DSC3: variants seen among roughly 807,000 people sequenced by gnomAD.
DSC3 encodes the protein desmocollin-3.
DSC3 carries 97 observed loss-of-function variants against 89.5 expected under a neutral mutation model. The observed-to-expected ratio is 1.08, with a 90% CI of 0.92 to 1.28. The LOEUF (loss-of-function observed/expected upper bound fraction) is 1.28. Ranked by LOEUF, DSC3 falls within the 50% of genes most tolerant of loss-of-function variation. The pLI, the probability that DSC3 is intolerant of heterozygous loss-of-function variation, is 0.00. For synonymous variants in DSC3, 436 were observed against 384.1 expected, an observed-to-expected ratio of 1.14 and a Z score of -1.58; for missense variants, 1,199 against 1,085.3, an observed-to-expected ratio of 1.10 and a Z score of -1.47.
intron 1 of DSC3, among the ~76,000 whole-genome samples, chr18:31,038,961 T>A (rs1429007023): frequency 6.6e-6 from 1 of 152,060 alleles, no homozygotes; most frequent in African/African-American, 2.4e-5. Flanking sequence ...CATTTGATAT[T>A]ATGTTTTTGT....
At chr18:31,001,089 G>GTATATA (rs67608580) in intron 14 of DSC3, among the ~76,000 whole-genome samples, 1 of 126,032 alleles carries the variant, frequency 7.9e-6, no homozygotes, top group African/African-American at 2.9e-5. Flanking sequence ...TTGTGTGTGT[G>GTATATA]TATATATATA....
chr18:31,015,053 T>C (rs935229849), intron 9 of DSC3, among the ~76,000 whole-genome samples: 2 of 152,224 alleles, frequency 1.3e-5, no homozygotes, highest in African/African-American at 4.8e-5. Context: ...AAAAGGAACT[T>C]GATTCATGGT....
chr18:31,027,046 T>C (rs1985620500), intron 4 of DSC3, among the ~76,000 whole-genome samples: 1 of 152,124 alleles, frequency 6.6e-6, no homozygotes, highest in Non-Finnish European at 1.5e-5. Context: ...CCACTAGTAA[T>C]TGGGATCTCA....
rs1044493605 is a variant in DSC3, at chr18:31,042,496, C to A, written c.69+96G>T. The A allele has an allele frequency of 2.7e-5, 35 of 1,297,104 alleles. 1 individual carries two copies. In the East Asian group the frequency reaches 4.5e-4, roughly 17 times the overall value. The allele number at this position is 1,297,104 out of a possible 1,614,324, so 80.3% of individuals were successfully genotyped here. A position where few individuals can be genotyped will look rare whatever the true frequency, so the allele number is the denominator to read the frequency against. On this transcript the variant is annotated intron_variant, in intron 1 of 15. Transcript: ENST00000360428. ...CAGCATTGATCTGAGCCGCGGTTGT[C>A]ACGTTTCGGCCCGCTTTGTCCCCAG... is the stretch of plus-strand genomic sequence containing the variant.
intron 9 of DSC3, among the ~76,000 whole-genome samples, chr18:31,010,105 A>G (rs932298896): frequency 1.3e-5 from 2 of 152,252 alleles, no homozygotes; most frequent in Non-Finnish European, 1.5e-5. Flanking sequence ...AAATTATTTT[A>G]AATCTTTCTC....
chr18:31,041,223 A>G (rs896208908), intron 1 of DSC3, among the ~76,000 whole-genome samples: 8 of 152,188 alleles, frequency 5.3e-5, no homozygotes, highest in African/African-American at 1.7e-4. Flanking sequence ...CCCTTCGCAA[A>G]GGAAACACAA....
rs200091280 is a variant in DSC3 at position 31,022,400 on chromosome 18, C to T, written c.878G>A (p.Gly293Glu). 2 of 1,613,874 alleles carry T rather than the reference C, an allele frequency of 1.2e-6. No individual in the cohort carries two copies. Among genetic ancestry groups the T allele is most frequent in the South Asian group, 1.1e-5 (1 of 91,084 alleles). The change falls in exon 7 of 16, where the codon GGG becomes GAG. Residue 293 changes from glycine to glutamate, a missense_variant. By Grantham distance (98) the Gly-to-Glu change is moderately conservative (BLOSUM62 -2). Coordinates refer to ENST00000360428, the MANE Select transcript of DSC3 (RefSeq NM_001941.5). ...SILQQTPRSP[G>E]LFSVHPSTGV... ...TGTGCTGGGATGCACAGAAAAGAGC[C>T]CAGGTGACCTTGGTGTCTGCTGCAA...
At chr18:30,999,349 T>A (rs1984577971) in intron 14 of DSC3, among the ~76,000 whole-genome samples, 1 of 151,426 alleles carries the variant, frequency 6.6e-6, no homozygotes, top group Non-Finnish European at 1.5e-5. Context: ...TAGAAAAAAA[T>A]ACCAGAAAAA....
In DSC3 at chr18:30,994,540, A is replaced by G. The variant is rs774303572; in HGVS notation, c.2494-168T>C. ...AATGATTGGTCTATATCACAACCAT[A>G]CCATAAAGTCAGTATAGTTTACATT... is the stretch of plus-strand genomic sequence containing the variant. On this transcript the variant is annotated intron_variant, in intron 15 of 15. Transcript: ENST00000360428. 5 of 1,475,360 alleles carry G rather than the reference A, an allele frequency of 3.4e-6. No individual in the cohort carries two copies. The African/African-American group carries it at 7.1e-5, about 21-fold the overall frequency. 91.4% of individuals were successfully genotyped at this position (1,475,360 alleles called of 1,614,324 possible). A position where few individuals can be genotyped will look rare whatever the true frequency, so the allele number is the denominator to read the frequency against.
chr18:31,000,704 TTC>T (rs1984622821), intron 14 of DSC3, among the ~76,000 whole-genome samples: 1 of 152,146 alleles, frequency 6.6e-6, no homozygotes. Context: ...TGTTTTCCTC[TTC>T]TTTAGCTATT....
Position 30,994,255 on chromosome 18 carries a change from G to A in DSC3, c.2611C>T (p.Gln871Ter), listed in dbSNP as rs1335617819. The A allele has an allele frequency of 6.2e-7, 1 of 1,613,918 alleles. No individual in the cohort carries two copies. The highest frequency in any genetic ancestry group is 8.5e-7 in the Non-Finnish European group (1 of 1,179,992). Residue 871 changes from glutamine to a stop codon, truncating the protein, a stop_gained, in exon 16 of 16, where the codon CAG becomes TAG. Coordinates refer to ENST00000360428, the MANE Select transcript of DSC3 (RefSeq NM_001941.5). LOFTEE classifies it high-confidence loss of function. ...AGSVGCCSEK[Q>*]EEDGLDFLNN... The stretch of plus-strand genomic sequence containing the variant: ...AAAAAGTCAAGGCCATCTTCTTCCT[G>A]CTTTTCACTGCAGCAGCCCACAGAA...
At chr18:31,012,738 A>C (rs571782096) in intron 9 of DSC3, among the ~76,000 whole-genome samples, 1 of 152,356 alleles carries the variant, frequency 6.6e-6, no homozygotes, top group South Asian at 2.1e-4. Context: ...TAGTTTTATG[A>C]AGCAAGCATA....
intron 1 of DSC3, among the ~76,000 whole-genome samples, chr18:31,036,635 A>G (rs771952911): frequency 2.0e-5 from 3 of 151,776 alleles, no homozygotes; most frequent in Non-Finnish European, 4.4e-5. Context: ...TCAGTTCCCC[A>G]AGTTCTGTAA....
At chr18:30,998,747 G>C (rs999217861) in intron 14 of DSC3, among the ~76,000 whole-genome samples, 3 of 152,078 alleles carry the variant, frequency 2.0e-5, no homozygotes, top group Non-Finnish European at 1.5e-5. Flanking sequence ...CATGAAGAGA[G>C]AATATGGTAA....
chr18:31,022,214 T>C, intron 7 of DSC3, 122 bp downstream of exon 7: 1 of 1,201,692 alleles, frequency 8.3e-7, no homozygotes, highest in Middle Eastern at 2.8e-4. Flanking sequence ...TGTTAGGAAT[T>C]CTTATTGTCT....
chr18:31,036,965 G>A (rs1567963074), intron 1 of DSC3, among the ~76,000 whole-genome samples: 2 of 151,682 alleles, frequency 1.3e-5, no homozygotes, highest in Non-Finnish European at 2.9e-5. Flanking sequence ...GCTAATTTTT[G>A]TATTTTTAGT....
intron 3 of DSC3, 77 bp from the exon 4 acceptor site, chr18:31,029,705 A>C: frequency 1.3e-6 from 2 of 1,571,590 alleles, no homozygotes; most frequent in Non-Finnish European, 1.7e-6. Flanking sequence ...TGGACAGCTC[A>C]TAAACCTAAT....
rs116551011 is a variant in DSC3 at position 30,994,186 on chromosome 18, T to C, written c.2680A>G (p.Thr894Ala). The stretch of plus-strand genomic sequence containing the variant: ...GTAGCACTGTGACATTATCTCTTTG[T>C]GCATGCTTCTGCTAATGTAATAAAT... ...PKFITLAEAC[T>A]KR The change falls in exon 16 of 16, where the codon ACA becomes GCA. Residue 894 changes from threonine (T) to alanine (A), a missense_variant. Physicochemically the swap from Thr to Ala is moderately conservative, Grantham distance 58. Transcript: ENST00000360428. The C allele has an allele frequency of 8.5e-5, 137 of 1,614,030 alleles. 1 individual carries two copies. In the East Asian group the frequency reaches 3.0e-3, roughly 35 times the overall value.
chr18:31,001,511 C>A (rs749896466), intron 14 of DSC3, 107 bp downstream of exon 14: 3 of 1,316,020 alleles, frequency 2.3e-6, no homozygotes, highest in Non-Finnish European at 3.2e-6. Flanking sequence ...CCTATGAAAT[C>A]TGATTCAATT....
Sources: allele counts gnomAD v4.1 joint callset (sites outside exome capture counted in the v4.1 genomes callset), GRCh38; gene constraint gnomAD v4.1.1; transcripts MANE v1.5; gene names NCBI Gene and HGNC (gene_info 2026-07-23, HGNC 2026-07-21).